NRG3: variants seen among roughly 807,000 people sequenced by gnomAD.
The protein encoded by NRG3 is pro-neuregulin-3, membrane-bound isoform.
Under a neutral mutation model 66.9 loss-of-function variants are expected in NRG3, and 31 were observed. That is an observed-to-expected ratio of 0.46 (90% confidence interval 0.35 to 0.63). The LOEUF (loss-of-function observed/expected upper bound fraction) is 0.63. Among genes scored for constraint, NRG3 ranks in the 20% least tolerant of loss-of-function variants. NRG3 has a pLI of 0.00. For synonymous variants in NRG3, 393 were observed against 359.4 expected (o/e 1.09, Z -1.06); for missense variants, 910 against 878.9 (o/e 1.04, Z -0.45).
chr10:82,759,602 T>C (rs760482819), intron 3 of NRG3, among the ~76,000 whole-genome samples: 1 of 152,148 alleles, frequency 6.6e-6, no homozygotes, highest in African/African-American at 2.4e-5. Flanking sequence ...ATCCTGCACA[T>C]AGAGCTCCTG....
chr10:82,048,723 A>G (rs1482378048), intron 1 of NRG3, among the ~76,000 whole-genome samples: 6 of 152,012 alleles, frequency 3.9e-5, no homozygotes, highest in Non-Finnish European at 8.8e-5. Context: ...TTCAAAAGCT[A>G]GCAGAAGGCA....
intron 3 of NRG3, among the ~76,000 whole-genome samples, chr10:82,811,654 G>T (rs1314354453): frequency 1.3e-5 from 2 of 152,164 alleles, no homozygotes; most frequent in Non-Finnish European, 2.9e-5. Context: ...GACAGTAAAA[G>T]CAATGATCTC....
chr10:82,753,301 G>T (rs77871255), intron 3 of NRG3, among the ~76,000 whole-genome samples: 100 of 151,888 alleles, frequency 6.6e-4, no homozygotes, highest in Middle Eastern at 6.8e-3. Context: ...TCTTTCCTGT[G>T]AAGTCTCTTT....
At chr10:82,566,882 G>A (rs1010815113) in intron 2 of NRG3, among the ~76,000 whole-genome samples, 7 of 152,136 alleles carry the variant, frequency 4.6e-5, no homozygotes, top group African/African-American at 1.4e-4. Flanking sequence ...AATCACTGGT[G>A]ATGTTGTTTT....
At chr10:82,334,321 G>A (rs1315076908) in intron 1 of NRG3, among the ~76,000 whole-genome samples, 1 of 152,090 alleles carries the variant, frequency 6.6e-6, no homozygotes, top group East Asian at 1.9e-4. Context: ...AGTACATGCT[G>A]TGTATCAGGA....
intron 2 of NRG3, among the ~76,000 whole-genome samples, chr10:82,657,189 A>C (rs1199047261): frequency 6.6e-6 from 1 of 152,100 alleles, no homozygotes; most frequent in Admixed American, 6.5e-5. Flanking sequence ...CACCGATCAC[A>C]TTCTATATAA....
intron 1 of NRG3, among the ~76,000 whole-genome samples, chr10:81,941,320 T>C (rs1848385703): frequency 6.6e-6 from 1 of 151,960 alleles, no homozygotes; most frequent in African/African-American, 2.4e-5. Context: ...CACCTAAAAA[T>C]TGGTAACAGG....
intron 2 of NRG3, among the ~76,000 whole-genome samples, chr10:82,726,087 C>T (rs990328226): frequency 1.3e-5 from 2 of 152,116 alleles, no homozygotes; most frequent in African/African-American, 4.8e-5. Flanking sequence ...GTCTGCAACC[C>T]AAGGAGAGAG....
At chr10:82,188,751 A>G (rs1421642899) in intron 1 of NRG3, among the ~76,000 whole-genome samples, 1 of 152,080 alleles carries the variant, frequency 6.6e-6, no homozygotes, top group Admixed American at 6.6e-5. Flanking sequence ...AACTACAATG[A>G]GATAGAAGGT....
chr10:82,608,450 G>T (rs1374731579), intron 2 of NRG3, among the ~76,000 whole-genome samples: 2 of 151,966 alleles, frequency 1.3e-5, no homozygotes, highest in Admixed American at 6.6e-5. Flanking sequence ...CTGGATCTTT[G>T]ATTTTGTTTC....
chr10:82,096,926 T>C (rs1483189919), intron 1 of NRG3, among the ~76,000 whole-genome samples: 1 of 152,176 alleles, frequency 6.6e-6, no homozygotes, highest in Non-Finnish European at 1.5e-5. Flanking sequence ...ATTATTTTCT[T>C]TGCACAGATT....
In NRG3 at chr10:82,663,955, T is replaced by A. The variant is rs550295317; in HGVS notation, c.954-74622T>A. Among the ~76,000 whole-genome samples, 11 of 152,272 alleles carry A rather than the reference T, an allele frequency of 7.2e-5. No individual in the cohort carries two copies. In the South Asian group the frequency reaches 2.1e-3, roughly 29 times the overall value. The stretch of plus-strand genomic sequence containing the variant: ...CACTGACCACAGTTGAATGTAACGT[T>A]TATGGGAAGCTTGGATCAACGAACT... On this transcript the variant is annotated intron_variant, in intron 2 of 8. Coordinates refer to ENST00000372141, the MANE Select transcript of NRG3 (RefSeq NM_001010848.4).
At chr10:82,130,630 AGTT>A (rs1488825476) in intron 1 of NRG3, among the ~76,000 whole-genome samples, 2 of 152,100 alleles carry the variant, frequency 1.3e-5, no homozygotes, top group African/African-American at 2.4e-5. Flanking sequence ...TGTTCTCTAT[AGTT>A]GTTGTACTGA....
intron 3 of NRG3, among the ~76,000 whole-genome samples, chr10:82,801,995 C>T (rs1280569429): frequency 6.6e-6 from 1 of 152,124 alleles, no homozygotes; most frequent in African/African-American, 2.4e-5. Context: ...GAAAGCATCT[C>T]TTACCAAAAA....
Position 82,393,061 on chromosome 10 carries a change from G to GCT in NRG3, c.953+34196_953+34197dup, listed in dbSNP as rs542720456. On this transcript the variant is annotated intron_variant, in intron 2 of 8. Coordinates refer to ENST00000372141, the MANE Select transcript of NRG3 (RefSeq NM_001010848.4). ...GGTTAAAATGGAATGTTGATCAAAT[G>GCT]CTCTGACTTCTTAAGTATGGTTTGT... Among the ~76,000 whole-genome samples, 343 of 152,112 alleles carry GCT rather than the reference G, an allele frequency of 2.3e-3. 4 individuals are homozygous for GCT. The highest frequency in any genetic ancestry group is 8.0e-3 in the African/African-American group (331 of 41,482).
chr10:82,970,930 A>T (rs1851665390), intron 6 of NRG3, among the ~76,000 whole-genome samples: 2 of 152,240 alleles, frequency 1.3e-5, no homozygotes, highest in South Asian at 4.1e-4. Flanking sequence ...TGGTTAATTT[A>T]TAAAGAGGTT....
At chr10:82,526,302 TA>T (rs1017857748) in intron 2 of NRG3, among the ~76,000 whole-genome samples, 1 of 151,624 alleles carries the variant, frequency 6.6e-6, no homozygotes, top group Admixed American at 6.6e-5. Context: ...AAAATATTAA[TA>T]AAAATAGAAT....
chr10:82,156,346 T>G (rs1189189883), intron 1 of NRG3, among the ~76,000 whole-genome samples: 1 of 151,574 alleles, frequency 6.6e-6, no homozygotes, highest in Non-Finnish European at 1.5e-5. Flanking sequence ...CCTTAACAAC[T>G]GGAAGGTATG....
intron 2 of NRG3, among the ~76,000 whole-genome samples, chr10:82,595,493 A>G (rs1350445549): frequency 1.3e-5 from 2 of 152,172 alleles, no homozygotes; most frequent in South Asian, 2.1e-4. Flanking sequence ...AGCATGTTAG[A>G]AATAGGTTGG....
Sources: allele counts gnomAD v4.1 joint callset (sites outside exome capture counted in the v4.1 genomes callset), GRCh38; gene constraint gnomAD v4.1.1; transcripts MANE v1.5; gene names NCBI Gene and HGNC (gene_info 2026-07-23, HGNC 2026-07-21).